SGCD: variants seen among roughly 807,000 people sequenced by gnomAD.
The protein encoded by SGCD is delta-sarcoglycan.
In SGCD, 18 loss-of-function variants were observed where a neutral mutation model predicts 36.6. The observed-to-expected ratio is 0.49, with a 90% CI of 0.34 to 0.73. SGCD has a LOEUF of 0.73. Among genes scored for constraint, SGCD ranks in the 30% least tolerant of loss-of-function variants. SGCD has a pLI of 0.01. For synonymous variants in SGCD, 133 were observed against 130.6 expected (o/e 1.02, Z -0.12); for missense variants, 387 against 346.7 (o/e 1.12, Z -0.92).
At chr5:156,390,612 C>T (rs1036326047) in intron 3 of SGCD, among the ~76,000 whole-genome samples, 20 of 152,210 alleles carry the variant, frequency 1.3e-4, no homozygotes, top group African/African-American at 4.6e-4. Context: ...TACCTGTAAT[C>T]TCAGCTACTT....
chr5:155,778,259 T>C, the SGCD span, among the ~76,000 whole-genome samples: 1 of 152,180 alleles, frequency 6.6e-6, no homozygotes, highest in African/African-American at 2.4e-5. Context: ...TTCAGCTGAG[T>C]GGAGTTTTCT....
intron 6 of SGCD, among the ~76,000 whole-genome samples, chr5:156,639,646 A>C (rs1762955501): frequency 6.6e-6 from 1 of 152,148 alleles, no homozygotes; most frequent in South Asian, 2.1e-4. Context: ...GTCTGCCTTC[A>C]GCTTTTGATA....
chr5:155,806,511 T>G, the SGCD span, among the ~76,000 whole-genome samples: 1 of 151,274 alleles, frequency 6.6e-6, no homozygotes, highest in Non-Finnish European at 1.5e-5. Flanking sequence ...ATGTGTAGAT[T>G]TGTTGAATTA....
chr5:155,849,128 A>G, the SGCD span, among the ~76,000 whole-genome samples: 2 of 152,174 alleles, frequency 1.3e-5, no homozygotes, highest in African/African-American at 4.8e-5. Context: ...TCACCAGAGC[A>G]TGTCCTCAAG....
the SGCD span, among the ~76,000 whole-genome samples, chr5:155,859,920 C>A: frequency 1.3e-5 from 2 of 152,172 alleles, no homozygotes; most frequent in Non-Finnish European, 2.9e-5. Context: ...AGGGTGCTGA[C>A]CAGCCCATCC....
chr5:155,780,978 G>T, the SGCD span, among the ~76,000 whole-genome samples: 2 of 152,042 alleles, frequency 1.3e-5, no homozygotes, highest in Admixed American at 6.6e-5. Flanking sequence ...GAGTATTAAG[G>T]TTCACCATGC....
intron 3 of SGCD, among the ~76,000 whole-genome samples, chr5:156,374,762 C>T (rs71591058): frequency 0.01 from 1,559 of 150,016 alleles, 13 homozygotes; most frequent in East Asian, 0.015. Flanking sequence ...CCCAGGTTCA[C>T]GCCATTCTCC....
At chr5:156,044,837 T>C (rs6897824) in intron 1 of SGCD, among the ~76,000 whole-genome samples, 17,359 of 152,114 alleles carry the variant, frequency 0.11, 2,794 homozygotes, top group African/African-American at 0.36. Context: ...TGTATATCTT[T>C]CCAGGTGCAC....
At chr5:155,818,807 C>T in the SGCD span, among the ~76,000 whole-genome samples, 2 of 152,252 alleles carry the variant, frequency 1.3e-5, no homozygotes, top group Non-Finnish European at 1.5e-5. Context: ...AAGTGTGAGC[C>T]GCCATGCTTG....
chr5:155,955,555 G>T (rs555800478), intron 1 of SGCD, among the ~76,000 whole-genome samples: 26 of 152,144 alleles, frequency 1.7e-4, no homozygotes, highest in Non-Finnish European at 3.7e-4. Flanking sequence ...TTTTCTTTGT[G>T]AAAAATAATT....
At chr5:156,487,561 G>A (rs367695768) in intron 3 of SGCD, among the ~76,000 whole-genome samples, 37 of 151,904 alleles carry the variant, frequency 2.4e-4, no homozygotes, top group Middle Eastern at 3.4e-3. Context: ...AGGCTGAGGC[G>A]GGTGGATCAC....
At chr5:155,747,933 G>T in the SGCD span, among the ~76,000 whole-genome samples, 6 of 152,076 alleles carry the variant, frequency 3.9e-5, no homozygotes, top group African/African-American at 1.4e-4. Flanking sequence ...GCACATTGTT[G>T]CTAGGATAAC....
chr5:155,886,349 C>T lies in SGCD; in HGVS notation c.-282+15925C>T, dbSNP rs553056079. On this transcript the variant is annotated intron_variant, in intron 1 of 9. Transcript: ENST00000517913. ...AAGGAACTCCTCAAAATGGTGTGATCAGCTCACACCATTCAGAGAATTCAA... is the reference window on the plus strand; with the variant it reads ...AAGGAACTCCTCAAAATGGTGTGATTAGCTCACACCATTCAGAGAATTCAA... 3.3e-5 allele frequency among the ~76,000 whole-genome samples: 5 copies of T among 152,226 alleles called. No homozygotes were observed. The South Asian group carries it at 1.0e-3, about 32-fold the overall frequency.
intron 3 of SGCD, among the ~76,000 whole-genome samples, chr5:156,370,866 C>T (rs1031808745): frequency 1.3e-5 from 2 of 152,026 alleles, no homozygotes; most frequent in Non-Finnish European, 2.9e-5. Flanking sequence ...AAGAAATATA[C>T]ATTTAAAAAT....
chr5:156,685,646 T>A lies in SGCD; in HGVS notation c.575+38110T>A, dbSNP rs532454971. Among the ~76,000 whole-genome samples the A allele has an allele frequency of 7.2e-5, 11 of 152,316 alleles. No individual in the cohort carries two copies. The South Asian group carries it at 1.9e-3, about 26-fold the overall frequency. On this transcript the variant is annotated intron_variant, in intron 7 of 8. Transcript: ENST00000337851. The stretch of plus-strand genomic sequence containing the variant: ...ACCCTTCCTAAGCTTACCTCATGCA[T>A]GCATGCCTTGTCAAGAAGCTTACAG...
chr5:156,258,092 G>A (rs1461593497), intron 3 of SGCD, among the ~76,000 whole-genome samples: 2 of 152,022 alleles, frequency 1.3e-5, no homozygotes, highest in African/African-American at 4.8e-5. Context: ...GTTCTTGTAT[G>A]TGAACAAAGT....
chr5:156,209,779 T>G (rs1764387870), intron 3 of SGCD, among the ~76,000 whole-genome samples: 1 of 152,148 alleles, frequency 6.6e-6, no homozygotes, highest in African/African-American at 2.4e-5. Context: ...CAGCCCATCA[T>G]TGAAGACCCC....
chr5:156,512,960 G>A (rs920891860), intron 4 of SGCD, among the ~76,000 whole-genome samples: 8 of 151,410 alleles, frequency 5.3e-5, no homozygotes, highest in Admixed American at 1.3e-4. Flanking sequence ...GCTATGTCTT[G>A]ATTTTCTGGG....
intron 1 of SGCD, among the ~76,000 whole-genome samples, chr5:155,894,965 C>G (rs1561641814): frequency 6.6e-6 from 1 of 152,106 alleles, no homozygotes; most frequent in Non-Finnish European, 1.5e-5. Context: ...GAAACTGGTC[C>G]CTGATGCCAA....
Sources: allele counts gnomAD v4.1 joint callset (sites outside exome capture counted in the v4.1 genomes callset), GRCh38; gene constraint gnomAD v4.1.1; transcripts MANE v1.5; gene names NCBI Gene and HGNC (gene_info 2026-07-23, HGNC 2026-07-21).